ZCWPW2: variants seen among roughly 807,000 people sequenced by gnomAD.
The protein encoded by ZCWPW2 is zinc finger CW-type PWWP domain protein 2.
Under a neutral mutation model 46.6 loss-of-function variants are expected in ZCWPW2, and 45 were observed. The ratio of observed to expected loss-of-function variants is 0.96; its 90% CI spans 0.76 to 1.24. The LOEUF (loss-of-function observed/expected upper bound fraction) is 1.24, where lower values mean the gene tolerates loss of function less well. ZCWPW2 is among the 50% of genes most tolerant of loss of function. The pLI is 0.00. For missense variants in ZCWPW2, 429 were observed against 403.9 expected, an observed-to-expected ratio of 1.06 and a Z score of -0.53; for synonymous variants, 152 against 137.1, an observed-to-expected ratio of 1.11 and a Z score of -0.76.
chr3:28,486,157 C>A (rs921791514), intron 5 of ZCWPW2, among the ~76,000 whole-genome samples: 4 of 152,110 alleles, frequency 2.6e-5, no homozygotes, highest in Non-Finnish European at 5.9e-5. Context: ...TAATTCAAAT[C>A]CCACTTACAA....
chr3:28,372,893 A>G (rs1646749413), intron 1 of ZCWPW2, among the ~76,000 whole-genome samples: 1 of 152,124 alleles, frequency 6.6e-6, no homozygotes, highest in Non-Finnish European at 1.5e-5. Flanking sequence ...TTCTGTTTCA[A>G]TTATTTTACT....
At position 28,414,484 on chromosome 3, in the gene ZCWPW2, T is replaced by A. The variant is rs370600832; in HGVS notation, c.332+1084T>A. Among the ~76,000 whole-genome samples the A allele has an allele frequency of 7.1e-4, 107 of 151,624 alleles. 1 individual carries two copies. The highest frequency in any genetic ancestry group is 6.4e-3 in the East Asian group (33 of 5,126). ...ATTTTATTATTATTGTACTTTAAGT[T>A]TTAGGGTACATGTGCACAACGTGCA... On this transcript the variant is annotated intron_variant, in intron 3 of 9. Transcript: ENST00000383768.
chr3:28,437,269 A>C (rs985054860), intron 4 of ZCWPW2, among the ~76,000 whole-genome samples: 3 of 152,204 alleles, frequency 2.0e-5, no homozygotes, highest in Admixed American at 1.3e-4. Flanking sequence ...GGTTATTGCT[A>C]AATCTTACTT....
chr3:28,439,849 G>C (rs190237499), intron 4 of ZCWPW2, among the ~76,000 whole-genome samples: 4 of 152,344 alleles, frequency 2.6e-5, no homozygotes, highest in Non-Finnish European at 4.4e-5. Context: ...AACAAAGAAA[G>C]AGCAAATACT....
chr3:28,379,894 T>A (rs899652689), intron 1 of ZCWPW2, among the ~76,000 whole-genome samples: 1 of 152,192 alleles, frequency 6.6e-6, no homozygotes, highest in Non-Finnish European at 1.5e-5. Flanking sequence ...AGGTGAATTA[T>A]AATGGAGTAG....
intron 6 of ZCWPW2, among the ~76,000 whole-genome samples, chr3:28,502,653 G>A (rs1388338576): frequency 6.6e-6 from 1 of 152,086 alleles, no homozygotes; most frequent in Non-Finnish European, 1.5e-5. Flanking sequence ...AGTTCATAGG[G>A]CAAGTAGTGT....
intron 2 of ZCWPW2, among the ~76,000 whole-genome samples, chr3:28,398,872 C>T (rs1391400195): frequency 6.6e-6 from 1 of 152,148 alleles, no homozygotes; most frequent in Non-Finnish European, 1.5e-5. Flanking sequence ...TGAGAAAAGG[C>T]CACAGGGAGA....
At chr3:28,453,711 A>C (rs995878098) in intron 4 of ZCWPW2, among the ~76,000 whole-genome samples, 1 of 151,982 alleles carries the variant, frequency 6.6e-6, no homozygotes, top group Admixed American at 6.6e-5. Flanking sequence ...AAATAGCTGG[A>C]GAGTAACTTC....
At chr3:28,432,438 A>G (rs560359231) in intron 3 of ZCWPW2, among the ~76,000 whole-genome samples, 1 of 152,292 alleles carries the variant, frequency 6.6e-6, no homozygotes, top group African/African-American at 2.4e-5. Flanking sequence ...ATGGTTTGGT[A>G]TATTAGGTAT....
At chr3:28,457,691 T>G (rs1366098941) in intron 4 of ZCWPW2, among the ~76,000 whole-genome samples, 2 of 152,218 alleles carry the variant, frequency 1.3e-5, no homozygotes, top group African/African-American at 2.4e-5. Flanking sequence ...TTGTGCGGTA[T>G]TCATCAATAT....
At chr3:28,433,782 A>G (rs1283534491) in intron 3 of ZCWPW2, among the ~76,000 whole-genome samples, 1 of 151,242 alleles carries the variant, frequency 6.6e-6, no homozygotes, top group Non-Finnish European at 1.5e-5. Context: ...AAAAACAAAA[A>G]ACAAAAAAAA....
At position 28,492,150 on chromosome 3, in the gene ZCWPW2, G is replaced by A. The variant is rs1411020552; in HGVS notation, c.634G>A (p.Val212Ile). The change falls in exon 6 of 10, where the codon GTT becomes ATT. Residue 212 changes from valine to isoleucine, a missense_variant. Coordinates refer to ENST00000383768, the MANE Select transcript of ZCWPW2 (RefSeq NM_001040432.4). ...AGATAAATCCGAAACACATGACAAA[G>A]TTGCTGCACTGGTCAAGAAAAGGGT... The part of the protein sequence containing the change: ...LQDKSETHDK[V>I]AALVKKRKQT... 1.9e-6 allele frequency: 3 copies of A among 1,608,854 alleles called. No individual in the cohort carries two copies. The highest frequency in any genetic ancestry group is 1.7e-5 in the Admixed American group (1 of 59,344).
chr3:28,429,604 C>A lies in ZCWPW2; in HGVS notation c.333-5506C>A, dbSNP rs560950973. Among the ~76,000 whole-genome samples, 24 of 152,334 alleles carry A rather than the reference C, an allele frequency of 1.6e-4. No homozygotes were observed. In the South Asian group the frequency reaches 4.6e-3, roughly 29 times the overall value. On this transcript the variant is annotated intron_variant, in intron 3 of 9. Transcript: ENST00000383768. ...TAGTAACAAGAAGCCAAATGTTAAT[C>A]ACCAAGACAATGGGGAAAATGTCTC...
chr3:28,389,407 A>G (rs188317431), intron 1 of ZCWPW2, among the ~76,000 whole-genome samples: 15 of 152,278 alleles, frequency 9.9e-5, no homozygotes, highest in Non-Finnish European at 1.5e-5. Context: ...TAGTTTGACA[A>G]AAATGTTTGA....
chr3:28,387,842 G>A (rs777052056), intron 1 of ZCWPW2, among the ~76,000 whole-genome samples: 8 of 152,168 alleles, frequency 5.3e-5, no homozygotes, highest in Non-Finnish European at 8.8e-5. Context: ...CCAGAAGAGT[G>A]TGCAATAAAG....
At chr3:28,424,920 A>C (rs1354916588) in intron 3 of ZCWPW2, among the ~76,000 whole-genome samples, 1 of 152,222 alleles carries the variant, frequency 6.6e-6, no homozygotes, top group Non-Finnish European at 1.5e-5. Context: ...ATGAGAACTT[A>C]TGAAGGTATT....
intron 2 of ZCWPW2, among the ~76,000 whole-genome samples, chr3:28,409,723 A>G (rs561769126): frequency 2.0e-5 from 3 of 152,290 alleles, no homozygotes; most frequent in East Asian, 3.9e-4. Context: ...TGTAATAAAA[A>G]TAACATAAAC....
At chr3:28,369,572 G>A (rs1172487392) in intron 1 of ZCWPW2, among the ~76,000 whole-genome samples, 2 of 152,172 alleles carry the variant, frequency 1.3e-5, no homozygotes, top group Non-Finnish European at 2.9e-5. Context: ...CCCCTACTGG[G>A]AGGTGCCTCC....
chr3:28,389,658 G>C lies in ZCWPW2; in HGVS notation c.-133-840G>C, dbSNP rs140441965. Among the ~76,000 whole-genome samples the C allele has an allele frequency of 2.6e-3, 398 of 152,244 alleles. 1 individual carries two copies. Among genetic ancestry groups the C allele is most frequent in the Middle Eastern group, 0.01 (3 of 294 alleles). ...TTTTGTTCTTTTAGAACAATTCCCA[G>C]TACCAGAATCTGTCTTAGAGTTCTT... is the stretch of plus-strand genomic sequence containing the variant. On this transcript the variant is annotated intron_variant, in intron 1 of 9. Coordinates refer to ENST00000383768, the MANE Select transcript of ZCWPW2 (RefSeq NM_001040432.4).
Sources: allele counts gnomAD v4.1 joint callset (sites outside exome capture counted in the v4.1 genomes callset), GRCh38; gene constraint gnomAD v4.1.1; transcripts MANE v1.5; gene names NCBI Gene and HGNC (gene_info 2026-07-23, HGNC 2026-07-21).